Variants in KANSL1L observed in about 807,000 individuals in gnomAD.
KANSL1L encodes KAT8 regulatory NSL complex subunit 1 like.
KANSL1L carries 25 observed loss-of-function variants against 108.6 expected under a neutral mutation model. The observed-to-expected ratio is 0.23, with a 90% CI of 0.17 to 0.32. The LOEUF (loss-of-function observed/expected upper bound fraction) is 0.32. Among genes scored for constraint, KANSL1L ranks in the 10% least tolerant of loss-of-function variants. The pLI, the probability that KANSL1L is intolerant of heterozygous loss-of-function variation, is 1.00. For missense variants in KANSL1L, 1,137 were observed against 1,125.7 expected (o/e 1.01, Z -0.14); for synonymous variants, 405 against 395.1 (o/e 1.03, Z -0.30).
intron 8 of KANSL1L, 118 bp from the exon 9 acceptor site, chr2:210,031,664 A>G (rs1342979145): frequency 3.4e-6 from 2 of 589,910 alleles, no homozygotes; most frequent in Non-Finnish European, 5.7e-6. Flanking sequence ...AATTACAGAT[A>G]AACATAAATA....
At chr2:210,145,782 G>T (rs2160021) in intron 2 of KANSL1L, among the ~76,000 whole-genome samples, 384 of 152,298 alleles carry the variant, frequency 2.5e-3, no homozygotes, top group African/African-American at 8.9e-3. Flanking sequence ...TCCAAGGCTT[G>T]GGTTGAGGCT....
chr2:210,105,208 A>G (rs143891295), intron 3 of KANSL1L, among the ~76,000 whole-genome samples: 1 of 151,462 alleles, frequency 6.6e-6, no homozygotes, highest in African/African-American at 2.4e-5. Flanking sequence ...TTTCCTTCCT[A>G]TCTATTCTAC....
intron 6 of KANSL1L, among the ~76,000 whole-genome samples, chr2:210,071,514 C>T (rs551372577): frequency 6.6e-6 from 1 of 152,170 alleles, no homozygotes; most frequent in African/African-American, 2.4e-5. Flanking sequence ...GGTGATCCAC[C>T]CCCCTCGGCC....
chr2:210,079,642 A>ATATATATATATGTGTG (rs1559539618), intron 5 of KANSL1L, among the ~76,000 whole-genome samples: 1 of 6,476 alleles, frequency 1.5e-4, no homozygotes, highest in Non-Finnish European at 8.3e-4. Flanking sequence ...ATATATATAT[A>ATATATATATATGTGTG]TATATATATA....
In KANSL1L at chr2:210,044,404, A is replaced by G. The variant is rs2094200687; in HGVS notation, c.1756-300T>C. 6.6e-6 allele frequency among the ~76,000 whole-genome samples: 1 copy of G among 151,686 alleles called. No homozygotes were observed. The highest frequency in any genetic ancestry group is 1.5e-5 in the Non-Finnish European group (1 of 67,990). ...TATCTAAACATACTAGCTGGGAATG[A>G]TAACTGTAATTTTTTTCCTTCAATC... On this transcript the variant is annotated intron_variant, in intron 6 of 14. Transcript: ENST00000281772. This position sits in a 1 kb window ranked among gnomAD's most constrained non-coding sequence, Gnocchi z 4.2.
At chr2:210,067,716 C>CAAAAAAAAAAAAAA (rs569072484) in intron 6 of KANSL1L, among the ~76,000 whole-genome samples, 57 of 92,922 alleles carry the variant, frequency 6.1e-4, no homozygotes, top group African/African-American at 2.2e-3. Context: ...ACCCTGTCTC[C>CAAAAAAAAAAAAAA]AAAAAAAAAA....
intron 2 of KANSL1L, among the ~76,000 whole-genome samples, chr2:210,141,472 C>T (rs540986045): frequency 3.5e-4 from 54 of 152,212 alleles, no homozygotes; most frequent in Non-Finnish European, 6.6e-4. Context: ...TTCTCCCTAT[C>T]TACCATGTGA....
At chr2:210,043,238 T>G (rs980216345) in intron 7 of KANSL1L, among the ~76,000 whole-genome samples, 1 of 151,810 alleles carries the variant, frequency 6.6e-6, no homozygotes, top group Non-Finnish European at 1.5e-5. Flanking sequence ...AATTTAAAAA[T>G]TAGCTGGGTA....
intron 6 of KANSL1L, among the ~76,000 whole-genome samples, chr2:210,071,354 G>A (rs181609476): frequency 2.0e-5 from 3 of 151,664 alleles, no homozygotes; most frequent in Admixed American, 6.6e-5. Flanking sequence ...TGCAACCTCC[G>A]CGTCTCAGGT....
At chr2:210,140,130 T>C (rs1418975068) in intron 2 of KANSL1L, among the ~76,000 whole-genome samples, 4 of 152,206 alleles carry the variant, frequency 2.6e-5, no homozygotes, top group African/African-American at 9.6e-5. Flanking sequence ...TCCCATTTCA[T>C]AGGTTGTCTC....
Position 210,024,184 on chromosome 2 carries a change from A to G in KANSL1L, c.2582T>C (p.Val861Ala), listed in dbSNP as rs558231765. The G allele has an allele frequency of 4.4e-6, 7 of 1,580,744 alleles. No individual in the cohort carries two copies. In the Admixed American group the frequency reaches 7.5e-5, roughly 17 times the overall value. ...RRNSRAYSKN[V>A]EGQDLLLKEY... Reference sequence around the variant, plus strand: ...TTTCAAAAGCAAGTCCTGTCCTTCAACATTTTTACTGTAAGCTCTAGCAAG... The same window carrying G: ...TTTCAAAAGCAAGTCCTGTCCTTCAGCATTTTTACTGTAAGCTCTAGCAAG... Residue 861 changes from valine to alanine, a missense_variant, in exon 14 of 15, where the codon GTT (valine) becomes GCT (alanine). Around this residue, in one of 3 missense-constraint regions of KANSL1L, gnomAD observed 575 missense variants for 567.1 expected, o/e 1.01. Coordinates refer to ENST00000281772, the MANE Select transcript of KANSL1L (RefSeq NM_152519.4).
chr2:210,075,502 A>G (rs1240814648), intron 6 of KANSL1L, 50 bp downstream of exon 6: 2 of 1,211,886 alleles, frequency 1.7e-6, no homozygotes, highest in Non-Finnish European at 2.4e-6. Context: ...TGCATGAAAT[A>G]TGCTGATGGT....
chr2:210,135,919 C>G (rs896290118), intron 2 of KANSL1L, among the ~76,000 whole-genome samples: 3 of 152,074 alleles, frequency 2.0e-5, no homozygotes, highest in African/African-American at 7.2e-5. Context: ...CTTACATACT[C>G]TATCATCAAG....
chr2:210,123,289 C>A (rs955962755), intron 3 of KANSL1L, among the ~76,000 whole-genome samples: 1 of 152,048 alleles, frequency 6.6e-6, no homozygotes, highest in Non-Finnish European at 1.5e-5. Context: ...AAGTGTCCAT[C>A]AACAGACAAA....
intron 1 of KANSL1L, among the ~76,000 whole-genome samples, chr2:210,168,790 T>G (rs1046059499): frequency 6.6e-6 from 1 of 152,070 alleles, no homozygotes; most frequent in Non-Finnish European, 1.5e-5. Context: ...TTACTAACAA[T>G]GTACTAGTAA....
chr2:210,141,187 CCTTT>C (rs923724598), intron 2 of KANSL1L, among the ~76,000 whole-genome samples: 6 of 148,960 alleles, frequency 4.0e-5, no homozygotes, highest in Admixed American at 2.7e-4. Flanking sequence ...TCTTTCTCTC[CCTTT>C]CTCTTTTTCT....
rs545875426 is a variant in KANSL1L, at chr2:210,164,077, C to A, written c.-30+7072G>T. Among the ~76,000 whole-genome samples, 8 of 152,100 alleles carry A rather than the reference C, an allele frequency of 5.3e-5. No homozygotes were observed. The East Asian group carries it at 1.5e-3, about 29-fold the overall frequency. On this transcript the variant is annotated intron_variant, in intron 1 of 14. Coordinates refer to ENST00000281772, the MANE Select transcript of KANSL1L (RefSeq NM_152519.4). ...GGCTACATATGTAATTTTAAACTTG[C>A]TACTACTAGACATATTTTTAAAAGA... is the stretch of plus-strand genomic sequence containing the variant.
intron 9 of KANSL1L, among the ~76,000 whole-genome samples, chr2:210,030,370 A>G (rs1166490954): frequency 6.6e-6 from 1 of 151,786 alleles, no homozygotes; most frequent in African/African-American, 2.4e-5. Flanking sequence ...TTCCGAAAGT[A>G]CTTGTTCTCT....
Position 210,154,127 on chromosome 2 carries a change from A to G in KANSL1L, c.456T>C (p.Ile152=). 1 of 1,614,064 alleles carries G rather than the reference A, an allele frequency of 6.2e-7. No individual in the cohort carries two copies. The highest frequency in any genetic ancestry group is 8.5e-7 in the Non-Finnish European group (1 of 1,179,984). The change falls in exon 2 of 15, where the codon ATT becomes ATC. Residue 152 remains isoleucine (I), a synonymous_variant. Coordinates refer to ENST00000281772, the MANE Select transcript of KANSL1L (RefSeq NM_152519.4). ...TSQCMKDVQI[I]LDSNITKDTN... ...TGTCTTTGGTTATATTTGAATCCAG[A>G]ATAATTTGTACATCTTTCATGCACT...
Sources: gnomAD v4.1 joint callset for allele counts (sites outside exome capture counted in the v4.1 genomes callset) on GRCh38, gnomAD v4.1.1 for gene constraint, gnomAD v4.1.1 regional missense constraint, Gnocchi (gnomAD v3.1) non-coding constraint, MANE v1.5 for transcripts, NCBI Gene and HGNC (gene_info 2026-07-23, HGNC 2026-07-21) for gene names.